NME5: variants seen among roughly 807,000 people sequenced by gnomAD.
NME5 encodes NME/NM23 family member 5, also known as nucleoside diphosphate kinase 5.
A neutral mutation model predicts 21.6 loss-of-function variants in NME5; 18 were observed. The observed-to-expected ratio is 0.83, with a 90% CI of 0.58 to 1.24. The LOEUF is 1.24. NME5 is among the 50% of genes most tolerant of loss of function. NME5 has a pLI of 0.00. For missense variants in NME5, 223 were observed against 255.4 expected (o/e 0.87, Z 0.86); for synonymous variants, 70 against 80.6 (o/e 0.87, Z 0.71).
chr5:138,131,418 G>A (rs1050310307), intron 2 of NME5, among the ~76,000 whole-genome samples: 2 of 151,416 alleles, frequency 1.3e-5, no homozygotes, highest in Non-Finnish European at 2.9e-5. Context: ...GCGTGGTGGT[G>A]CATGTCTGTA....
chr5:138,121,252 G>A (rs1716864426), intron 4 of NME5, among the ~76,000 whole-genome samples: 1 of 151,850 alleles, frequency 6.6e-6, no homozygotes, highest in Admixed American at 6.6e-5. Flanking sequence ...TGGCGAGACT[G>A]CCTTTCTACA....
rs374872859 is a variant in NME5 at position 138,127,717 on chromosome 5, C to CA, written c.436+761dup. 3.4e-3 allele frequency: 3,334 copies of CA among 979,910 alleles called. 9 individuals carry two copies. The highest frequency in any genetic ancestry group is 7.9e-3 in the Middle Eastern group (15 of 1,900). 60.7% of individuals were successfully genotyped at this position (979,910 alleles called of 1,614,324 possible). ...TACAACTTCTCTAACAGTAAGGAAA[C>CA]AAAAAAAGGGACTAGTTATTAATTT... On this transcript the variant is annotated intron_variant, in intron 4 of 5. Transcript: ENST00000265191.
intron 4 of NME5, among the ~76,000 whole-genome samples, chr5:138,127,941 T>G (rs968256914): frequency 6.6e-6 from 1 of 152,148 alleles, no homozygotes; most frequent in Admixed American, 6.6e-5. Flanking sequence ...AAGCTGGGTG[T>G]GGTGGCTCAC....
At chr5:138,137,110 A>C (rs1751716907) in intron 2 of NME5, among the ~76,000 whole-genome samples, 1 of 151,172 alleles carries the variant, frequency 6.6e-6, no homozygotes, top group Admixed American at 6.6e-5. Flanking sequence ...GTTTATTTGG[A>C]GTTTATCCTG....
intron 2 of NME5, among the ~76,000 whole-genome samples, chr5:138,133,384 C>T (rs549788336): frequency 6.6e-6 from 1 of 151,986 alleles, no homozygotes; most frequent in South Asian, 2.1e-4. Flanking sequence ...GGATTACAGG[C>T]GTGAGCCACC....
At chr5:138,136,183 G>C (rs187645312) in intron 2 of NME5, among the ~76,000 whole-genome samples, 1 of 152,324 alleles carries the variant, frequency 6.6e-6, no homozygotes, top group East Asian at 1.9e-4. Flanking sequence ...ACCTACTGAT[G>C]GGACTAAACA....
intron 4 of NME5, among the ~76,000 whole-genome samples, chr5:138,124,078 C>A (rs1014844212): frequency 3.0e-5 from 4 of 133,392 alleles, no homozygotes; most frequent in African/African-American, 1.1e-4. Context: ...CTCACTGCAA[C>A]CTCCACCTCC....
chr5:138,139,361 A>G lies in NME5; in HGVS notation c.-6+10T>C. The G allele has an allele frequency of 1.0e-6, 1 of 985,882 alleles. No homozygotes were observed. Among genetic ancestry groups the G allele is most frequent in the Non-Finnish European group, 1.2e-6 (1 of 830,404 alleles). 61.1% of individuals were successfully genotyped at this position (985,882 alleles called of 1,614,324 possible). Reference sequence around the variant, plus strand: ...GCAAATTCTGAATTTGACCCTCTCTAAGTACTCACCTCAGCGGCCGTCCTC... The same window carrying G: ...GCAAATTCTGAATTTGACCCTCTCTGAGTACTCACCTCAGCGGCCGTCCTC... On this transcript the variant is annotated intron_variant, in intron 1 of 5. Coordinates refer to ENST00000265191, the MANE Select transcript of NME5 (RefSeq NM_003551.3).
In NME5 at chr5:138,134,992, C is replaced by T. The variant is rs1259222149; in HGVS notation, c.129+3660G>A. Among the ~76,000 whole-genome samples the T allele has an allele frequency of 3.3e-5, 5 of 150,180 alleles. No homozygotes were observed. In the East Asian group the frequency reaches 6.1e-4, roughly 18 times the overall value. ...AGCTGGGATTACAGGCGTGAGCCAC[C>T]GCGCCCGGCCGTCACTAAATATTTT... On this transcript the variant is annotated intron_variant, in intron 2 of 5. Coordinates refer to ENST00000265191, the MANE Select transcript of NME5 (RefSeq NM_003551.3).
chr5:138,130,219 A>G (rs996212696), intron 2 of NME5, among the ~76,000 whole-genome samples: 2 of 152,088 alleles, frequency 1.3e-5, no homozygotes, highest in African/African-American at 4.8e-5. Flanking sequence ...GCCAGGAGTT[A>G]GAGACCAGCC....
intron 4 of NME5, among the ~76,000 whole-genome samples, chr5:138,126,367 C>T (rs1751425065): frequency 1.3e-5 from 2 of 151,508 alleles, no homozygotes; most frequent in South Asian, 2.1e-4. Context: ...AAAAACTAGC[C>T]AGGTGTGGTG....
At chr5:138,125,220 A>C (rs1268503351) in intron 4 of NME5, among the ~76,000 whole-genome samples, 2 of 152,092 alleles carry the variant, frequency 1.3e-5, no homozygotes, top group African/African-American at 4.8e-5. Context: ...CCACACCCAG[A>C]CTGTATATTT....
At chr5:138,124,984 T>A (rs1751367051) in intron 4 of NME5, among the ~76,000 whole-genome samples, 1 of 152,192 alleles carries the variant, frequency 6.6e-6, no homozygotes, top group Non-Finnish European at 1.5e-5. Context: ...AGCACTCTGG[T>A]GCCATCACAG....
intron 4 of NME5, among the ~76,000 whole-genome samples, chr5:138,120,227 G>GTTTT (rs1561586403): frequency 2.5e-5 from 3 of 118,044 alleles, no homozygotes; most frequent in African/African-American, 3.3e-5. Context: ...ACTGCTCCCA[G>GTTTT]CTCTTTTTTT....
At chr5:138,123,443 C>T (rs1751330994) in intron 4 of NME5, among the ~76,000 whole-genome samples, 1 of 152,098 alleles carries the variant, frequency 6.6e-6, no homozygotes, top group Non-Finnish European at 1.5e-5. Context: ...TTAGATTCCA[C>T]ATATAAGTGA....
intron 4 of NME5, among the ~76,000 whole-genome samples, chr5:138,124,576 A>G (rs1034780763): frequency 1.3e-5 from 2 of 152,146 alleles, no homozygotes; most frequent in Non-Finnish European, 2.9e-5. Context: ...AGTGAAGTAC[A>G]GCAGCGCAAA....
At chr5:138,130,238 G>A (rs1334773369) in intron 2 of NME5, among the ~76,000 whole-genome samples, 1 of 151,926 alleles carries the variant, frequency 6.6e-6, no homozygotes. Flanking sequence ...CCTAAGCAAC[G>A]CAGGAAGACT....
At chr5:138,134,039 C>A (rs1751634186) in intron 2 of NME5, among the ~76,000 whole-genome samples, 1 of 152,162 alleles carries the variant, frequency 6.6e-6, no homozygotes. Flanking sequence ...ACCATGGCTG[C>A]CTTTGCTCTG....
At chr5:138,126,684 A>G (rs556424526) in intron 4 of NME5, among the ~76,000 whole-genome samples, 1 of 152,040 alleles carries the variant, frequency 6.6e-6, no homozygotes, top group Non-Finnish European at 1.5e-5. Context: ...ATGATGGTTC[A>G]TGCCTATAAT....
Sources: allele counts gnomAD v4.1 joint callset (sites outside exome capture counted in the v4.1 genomes callset), GRCh38; gene constraint gnomAD v4.1.1; transcripts MANE v1.5; gene names NCBI Gene and HGNC (gene_info 2026-07-23, HGNC 2026-07-21).